Variants in NDST4 observed in about 807,000 individuals in gnomAD.
NDST4 encodes N-heparan sulfate sulfotransferase 4.
A neutral mutation model predicts 100.8 loss-of-function variants in NDST4; 63 were observed. That is an observed-to-expected ratio of 0.62 (90% CI 0.51 to 0.77). The LOEUF is 0.77. Ranked by LOEUF, NDST4 falls within the 30% of genes least tolerant of loss-of-function variation. NDST4 has a pLI of 0.00. For missense variants in NDST4, 943 were observed against 1,018.4 expected, an observed-to-expected ratio of 0.93 and a Z score of 1.01; for synonymous variants, 377 against 361.8, an observed-to-expected ratio of 1.04 and a Z score of -0.48.
intron 2 of NDST4, among the ~76,000 whole-genome samples, chr4:114,981,028 A>G (rs1006075847): frequency 6.6e-6 from 1 of 152,104 alleles, no homozygotes; most frequent in African/African-American, 2.4e-5. Context: ...CCTGGGCAAC[A>G]TGGTGCAACC....
intron 2 of NDST4, among the ~76,000 whole-genome samples, chr4:115,045,102 A>G (rs933322209): frequency 6.6e-6 from 1 of 152,066 alleles, no homozygotes; most frequent in Non-Finnish European, 1.5e-5. Context: ...GAAGAACTTG[A>G]ATGAAGTCTA....
chr4:115,063,782 G>T (rs948406691), intron 2 of NDST4, among the ~76,000 whole-genome samples: 1 of 151,736 alleles, frequency 6.6e-6, no homozygotes, highest in Non-Finnish European at 1.5e-5. Flanking sequence ...TCTTATAAAA[G>T]ATTGCTTTTT....
intron 1 of NDST4, among the ~76,000 whole-genome samples, chr4:115,103,491 A>G (rs1560601415): frequency 6.6e-6 from 1 of 152,172 alleles, no homozygotes; most frequent in East Asian, 1.9e-4. Flanking sequence ...TTACTCAAAT[A>G]GGAAATACTG....
At chr4:115,082,237 A>G (rs1252507196) in intron 1 of NDST4, among the ~76,000 whole-genome samples, 1 of 152,218 alleles carries the variant, frequency 6.6e-6, no homozygotes, top group Non-Finnish European at 1.5e-5. Flanking sequence ...AGAAAATATT[A>G]TATGATGATA....
chr4:114,878,594 A>G (rs1724304764), intron 6 of NDST4, among the ~76,000 whole-genome samples: 1 of 152,188 alleles, frequency 6.6e-6, no homozygotes, highest in South Asian at 2.1e-4. Flanking sequence ...TAGAATGCCT[A>G]CGCTTGAGCA....
chr4:115,011,910 TAATTTAACAAA>T (rs1727555568), intron 2 of NDST4, among the ~76,000 whole-genome samples: 1 of 151,948 alleles, frequency 6.6e-6, no homozygotes. Context: ...AATGCTTTGT[TAATTTAACAAA>T]AATATACTAA....
rs1225722719 is a variant in NDST4 at position 114,984,141 on chromosome 4, ACTATTTATTTAT to A, written c.979-6879_979-6868del. 1.1e-3 allele frequency among the ~76,000 whole-genome samples: 146 copies of A among 138,676 alleles called. 2 individuals are homozygous for A. The highest frequency in any genetic ancestry group is 3.7e-3 in the African/African-American group (139 of 37,328). 91.0% of individuals were successfully genotyped at this position (138,676 alleles called of 152,430 possible). On this transcript the variant is annotated intron_variant, in intron 2 of 13. Coordinates refer to ENST00000264363, the MANE Select transcript of NDST4 (RefSeq NM_022569.3). Reference sequence around the variant, plus strand: ...TTTATAGCAGTGTGAACAAACTAATACTATTTATTTATTTATTTATTTATTTATTTATTTATT... The same window carrying A: ...TTTATAGCAGTGTGAACAAACTAATATTATTTATTTATTTATTTATTTATT...
rs534270889 is a variant in NDST4, at chr4:114,963,323, C to T, written c.1221+7107G>A. ...AAAACATTATGCTAAGTGAAAAAAT[C>T]AAGTCAAAAAGACCATGTAATGTAT... is the stretch of plus-strand genomic sequence containing the variant. On this transcript the variant is annotated intron_variant, in intron 4 of 13. Transcript: ENST00000264363. Among the ~76,000 whole-genome samples the T allele has an allele frequency of 4.3e-4, 65 of 152,152 alleles. 1 individual carries two copies. Among genetic ancestry groups the T allele is most frequent in the African/African-American group, 1.4e-3 (60 of 41,546 alleles).
chr4:114,988,609 C>T (rs1012208825), intron 2 of NDST4, among the ~76,000 whole-genome samples: 1 of 151,758 alleles, frequency 6.6e-6, no homozygotes, highest in Non-Finnish European at 1.5e-5. Context: ...GATCCACCCA[C>T]CTTGGCCTCC....
chr4:114,901,414 T>C (rs779956729), intron 6 of NDST4, among the ~76,000 whole-genome samples: 19 of 152,090 alleles, frequency 1.2e-4, no homozygotes, highest in Non-Finnish European at 1.9e-4. Flanking sequence ...TTCTTTGTTC[T>C]GAAGCCTGCT....
chr4:114,901,134 G>A (rs185614182), intron 6 of NDST4, among the ~76,000 whole-genome samples: 19 of 151,930 alleles, frequency 1.3e-4, no homozygotes, highest in South Asian at 4.2e-4. Flanking sequence ...GTTTGATGAC[G>A]TAGTCCTATA....
chr4:115,025,039 C>T (rs1727952030), intron 2 of NDST4, among the ~76,000 whole-genome samples: 1 of 152,160 alleles, frequency 6.6e-6, no homozygotes, highest in African/African-American at 2.4e-5. Context: ...TTAGCAGATG[C>T]TGGTGCTATG....
rs191649583 is a variant in NDST4, at chr4:115,026,163, T to C, written c.979-48889A>G. Among the ~76,000 whole-genome samples the C allele has an allele frequency of 2.3e-3, 346 of 152,234 alleles. 1 individual carries two copies. The highest frequency in any genetic ancestry group is 8.0e-3 in the African/African-American group (333 of 41,560). On this transcript the variant is annotated intron_variant, in intron 2 of 13. Coordinates refer to ENST00000264363, the MANE Select transcript of NDST4 (RefSeq NM_022569.3). Reference sequence around the variant, plus strand: ...CATGTACTTTAACCTTAAGTTAATTTTCTATAGTATAAGAAACATGTTGTA... The same window carrying C: ...CATGTACTTTAACCTTAAGTTAATTCTCTATAGTATAAGAAACATGTTGTA...
chr4:115,070,412 G>A (rs1378831489), intron 2 of NDST4, among the ~76,000 whole-genome samples: 1 of 152,090 alleles, frequency 6.6e-6, no homozygotes, highest in Non-Finnish European at 1.5e-5. Context: ...GAGGGTGGAG[G>A]GTGGGAGGAG....
intron 2 of NDST4, among the ~76,000 whole-genome samples, chr4:115,015,262 A>G (rs976555719): frequency 6.6e-6 from 1 of 152,110 alleles, no homozygotes; most frequent in African/African-American, 2.4e-5. Context: ...AAACAGAGAG[A>G]AAGAAGACTC....
chr4:114,876,787 A>G (rs1292943401), intron 6 of NDST4, among the ~76,000 whole-genome samples: 2 of 152,214 alleles, frequency 1.3e-5, no homozygotes, highest in African/African-American at 4.8e-5. Flanking sequence ...CCAATGAATC[A>G]TTAATTAATG....
intron 2 of NDST4, among the ~76,000 whole-genome samples, chr4:114,993,706 G>T (rs2126252779): frequency 6.6e-6 from 1 of 152,030 alleles, no homozygotes; most frequent in East Asian, 1.9e-4. Context: ...CATTCATAAA[G>T]TCTATCTTCC....
intron 2 of NDST4, among the ~76,000 whole-genome samples, chr4:115,068,710 A>G (rs1033353354): frequency 8.0e-5 from 12 of 150,904 alleles, no homozygotes; most frequent in South Asian, 6.3e-4. Context: ...CCAGCTACTC[A>G]GGAGGCTGAG....
chr4:114,900,872 A>G (rs1288901025), intron 6 of NDST4, among the ~76,000 whole-genome samples: 1 of 152,068 alleles, frequency 6.6e-6, no homozygotes, highest in African/African-American at 2.4e-5. Flanking sequence ...AAATCTTTTA[A>G]AATTTTTCTT....
Sources: gnomAD v4.1 joint callset for allele counts (sites outside exome capture counted in the v4.1 genomes callset) on GRCh38, gnomAD v4.1.1 for gene constraint, MANE v1.5 for transcripts, NCBI Gene and HGNC (gene_info 2026-07-23, HGNC 2026-07-21) for gene names.